ZNF81: variants seen among roughly 807,000 people sequenced by gnomAD.
ZNF81 encodes zinc finger protein 81 (HFZ20).
Under a neutral mutation model 32.3 loss-of-function variants are expected in ZNF81, and 5 were observed. The ratio of observed to expected loss-of-function variants is 0.15; its 90% CI spans 0.08 to 0.33. The LOEUF is 0.33. Ranked by LOEUF, ZNF81 falls within the 10% of genes least tolerant of loss-of-function variation. ZNF81 has a pLI of 1.00. For synonymous variants in ZNF81, 163 were observed against 166.8 expected (o/e 0.98, Z 0.17); for missense variants, 379 against 479.8 (o/e 0.79, Z 1.96).
intron 2 of ZNF81, among the ~76,000 whole-genome samples, chrX:47,850,889 G>GCACACACA (rs1201846775): frequency 1.9e-4 from 5 of 26,989 alleles, no homozygotes; most frequent in African/African-American, 3.7e-4. Context: ...ACAGGCACGC[G>GCACACACA]CGCACACACA....
chrX:47,868,516 A>C (rs782638306), intron 2 of ZNF81, among the ~76,000 whole-genome samples: 1 of 111,301 alleles, frequency 9.0e-6, no homozygotes, highest in Non-Finnish European at 1.9e-5. Flanking sequence ...TGGTTCCGTC[A>C]TTAAATTACT....
At chrX:47,864,836 G>GA (rs1361350445) in intron 2 of ZNF81, among the ~76,000 whole-genome samples, 3 of 112,558 alleles carry the variant, frequency 2.7e-5, no homozygotes, top group African/African-American at 9.7e-5. Context: ...AAAAAGAGCT[G>GA]ACTGATCTCA....
chrX:47,884,163 T>C (rs1210475209), intron 2 of ZNF81, among the ~76,000 whole-genome samples: 2 of 100,575 alleles, frequency 2.0e-5, no homozygotes, highest in Non-Finnish European at 3.9e-5. Context: ...GAGAATTGCC[T>C]GAACCAGGGA....
intron 2 of ZNF81, among the ~76,000 whole-genome samples, chrX:47,871,503 T>C (rs782164373): frequency 4.5e-5 from 5 of 111,667 alleles, no homozygotes; most frequent in African/African-American, 1.3e-4. Context: ...GTAAACCTTA[T>C]CAAATATGCA....
At chrX:47,885,447 G>A (rs1329023889) in intron 2 of ZNF81, among the ~76,000 whole-genome samples, 1 of 111,734 alleles carries the variant, frequency 8.9e-6, no homozygotes, top group Non-Finnish European at 1.9e-5. Flanking sequence ...TTTGATTTTT[G>A]TCTTACTCAT....
intron 3 of ZNF81, among the ~76,000 whole-genome samples, chrX:47,889,480 C>A (rs1301104137): frequency 1.8e-5 from 2 of 112,024 alleles, no homozygotes; most frequent in Non-Finnish European, 3.8e-5. Context: ...ATGGGGGGAC[C>A]CATTGCCTCC....
intron 2 of ZNF81, among the ~76,000 whole-genome samples, chrX:47,886,860 T>C (rs782787404): frequency 9.8e-5 from 11 of 111,881 alleles, no homozygotes; most frequent in African/African-American, 3.6e-4. Context: ...GATGCCTGAC[T>C]TGGGTTGCTC....
Position 47,916,687 on chromosome X carries a change from C to G in ZNF81, c.*55C>G, listed in dbSNP as rs782807346. On this transcript the variant is annotated 3_prime_UTR_variant, in exon 5 of 5. Coordinates refer to ENST00000338637, the MANE Select transcript of ZNF81 (RefSeq NM_007137.5). ...CTTATAAGGCTGACAAAAGTCAGGT[C>G]TAACTATATATTATAAAATTCATCC... is the stretch of plus-strand genomic sequence containing the variant. 212 of 1,100,061 alleles carry G rather than the reference C, an allele frequency of 1.9e-4. No individual in the cohort carries two copies. The Middle Eastern group carries it at 4.6e-3, about 24-fold the overall frequency. 90.7% of individuals were successfully genotyped at this position (1,100,061 alleles called of 1,213,427 possible). A position where few individuals can be genotyped will look rare whatever the true frequency, so the allele number is the denominator to read the frequency against.
At chrX:47,875,231 C>T (rs1210851611) in intron 2 of ZNF81, among the ~76,000 whole-genome samples, 2 of 112,158 alleles carry the variant, frequency 1.8e-5, no homozygotes, top group African/African-American at 3.2e-5. Context: ...CTCAATCCTT[C>T]CAAATAATTT....
In ZNF81 at chrX:47,846,253, A is replaced by G; in HGVS notation, c.-15A>G. ...CAAGAAAGCCCCAGGGCTGAAGTCC[A>G]AGTCCGTCGGGAACATGCCAGCTAA... is the stretch of plus-strand genomic sequence containing the variant. On this transcript the variant is annotated 5_prime_UTR_variant, in exon 2 of 5. Transcript: ENST00000338637. 2 of 1,206,009 alleles carry G rather than the reference A, an allele frequency of 1.7e-6. No individual in the cohort carries two copies. The highest frequency in any genetic ancestry group is 2.2e-6 in the Non-Finnish European group (2 of 893,915).
chrX:47,919,515 T>C lies in ZNF81; in HGVS notation c.*2883T>C. The C allele has an allele frequency of 2.6e-5, 4 of 152,395 alleles. No individual in the cohort carries two copies. The South Asian group carries it at 5.5e-4, about 21-fold the overall frequency. The allele number at this position is 152,395 out of a possible 1,213,427, so 12.6% of individuals were successfully genotyped here. On this transcript the variant is annotated 3_prime_UTR_variant, in exon 5 of 5. Transcript: ENST00000338637. The stretch of plus-strand genomic sequence containing the variant: ...TTGTCTTAGTCAGTTTGAGCTGCTA[T>C]AATAAAGCACCATAGACTTGGTGGC...
chrX:47,861,489 C>T (rs1222275937), intron 2 of ZNF81, among the ~76,000 whole-genome samples: 4 of 112,060 alleles, frequency 3.6e-5, no homozygotes, highest in Non-Finnish European at 3.8e-5. Context: ...CCCATGAGTA[C>T]ACTACTCCAC....
At position 47,846,257 on chromosome X, in the gene ZNF81, C is replaced by T; in HGVS notation, c.-11C>T. 1 of 1,207,661 alleles carries T rather than the reference C, an allele frequency of 8.3e-7. No homozygotes were observed. The highest frequency in any genetic ancestry group is 1.1e-6 in the Non-Finnish European group (1 of 894,247). On this transcript the variant is annotated 5_prime_UTR_variant, in exon 2 of 5. Coordinates refer to ENST00000338637, the MANE Select transcript of ZNF81 (RefSeq NM_007137.5). ...AAAGCCCCAGGGCTGAAGTCCAAGTCCGTCGGGAACATGCCAGCTAACGAG... is the reference window on the plus strand; with the variant it reads ...AAAGCCCCAGGGCTGAAGTCCAAGTTCGTCGGGAACATGCCAGCTAACGAG...
At chrX:47,860,121 C>T (rs1193987981) in intron 2 of ZNF81, among the ~76,000 whole-genome samples, 1 of 108,269 alleles carries the variant, frequency 9.2e-6, no homozygotes, top group Non-Finnish European at 1.9e-5. Context: ...ACACAGAGCT[C>T]TTAATCCCAT....
chrX:47,879,737 G>A (rs1556884926), intron 2 of ZNF81, among the ~76,000 whole-genome samples: 2 of 112,020 alleles, frequency 1.8e-5, no homozygotes, highest in African/African-American at 6.5e-5. Flanking sequence ...GTATTAACAG[G>A]CTTGAAAAGA....
chrX:47,858,033 A>G (rs2058524061), intron 2 of ZNF81, among the ~76,000 whole-genome samples: 1 of 111,333 alleles, frequency 9.0e-6, no homozygotes, highest in African/African-American at 3.3e-5. Context: ...TTGTGGTATA[A>G]CAGCCTGCCA....
At position 47,891,577 on chromosome X, in the gene ZNF81, T is replaced by A. The variant is rs150502810; in HGVS notation, c.181+3452T>A. Among the ~76,000 whole-genome samples, 1,019 of 112,313 alleles carry A rather than the reference T, an allele frequency of 9.1e-3. 6 individuals carry two copies. The highest frequency in any genetic ancestry group is 0.014 in the Non-Finnish European group (755 of 53,258). ...CAGGTCAGGGAACTAATATGGGGAT[T>A]CTGCCAGTTGCTGAATATGTCCTTC... On this transcript the variant is annotated intron_variant, in intron 3 of 4. Transcript: ENST00000338637.
At chrX:47,843,324 A>G (rs2058457551) in intron 1 of ZNF81, among the ~76,000 whole-genome samples, 1 of 110,361 alleles carries the variant, frequency 9.1e-6, no homozygotes, top group African/African-American at 3.3e-5. Context: ...CATATGTTTT[A>G]ATTTCTCTTG....
At chrX:47,847,152 C>A (rs2058473971) in intron 2 of ZNF81, among the ~76,000 whole-genome samples, 1 of 112,186 alleles carries the variant, frequency 8.9e-6, no homozygotes. Flanking sequence ...TTACTGCATG[C>A]CAAGCACTGT....
Sources: allele counts gnomAD v4.1 joint callset (sites outside exome capture counted in the v4.1 genomes callset), GRCh38; gene constraint gnomAD v4.1.1; transcripts MANE v1.5; gene names NCBI Gene and HGNC (gene_info 2026-07-23, HGNC 2026-07-21).